ULK4: variants seen among roughly 807,000 people sequenced by gnomAD.
The protein encoded by ULK4 is unc-51 like kinase 4, also known as inactive serine/threonine-protein kinase ULK4.
Under a neutral mutation model 160.6 loss-of-function variants are expected in ULK4, and 133 were observed. The observed-to-expected ratio is 0.83, with a 90% CI of 0.72 to 0.96. The LOEUF (loss-of-function observed/expected upper bound fraction) is 0.96, where lower values mean the gene tolerates loss of function less well. Among genes scored for constraint, ULK4 ranks in the 40% least tolerant of loss-of-function variants. The pLI, the probability that ULK4 is intolerant of heterozygous loss-of-function variation, is 0.00. For synonymous variants in ULK4, 534 were observed against 539.8 expected (o/e 0.99, Z 0.15); for missense variants, 1,580 against 1,499.5 (o/e 1.05, Z -0.89).
intron 35 of ULK4, among the ~76,000 whole-genome samples, chr3:41,265,558 G>A (rs1193056913): frequency 1.3e-5 from 2 of 152,204 alleles, no homozygotes; most frequent in Non-Finnish European, 2.9e-5. Flanking sequence ...AAGCCGTCAG[G>A]CACCAATTAA....
At chr3:41,870,965 T>C (rs970935867) in intron 17 of ULK4, among the ~76,000 whole-genome samples, 2 of 152,056 alleles carry the variant, frequency 1.3e-5, no homozygotes, top group African/African-American at 4.8e-5. Context: ...TAACAGTGAG[T>C]TCTCACAAGA....
At chr3:41,807,191 CCTTA>C (rs1182229053) in intron 19 of ULK4, among the ~76,000 whole-genome samples, 5 of 151,382 alleles carry the variant, frequency 3.3e-5, no homozygotes, top group African/African-American at 1.2e-4. Flanking sequence ...ATATATGATA[CCTTA>C]ATTAAAATAA....
At chr3:41,589,280 G>A (rs1208132723) in intron 31 of ULK4, among the ~76,000 whole-genome samples, 1 of 151,988 alleles carries the variant, frequency 6.6e-6, no homozygotes, top group African/African-American at 2.4e-5. Context: ...GATTAGTTAA[G>A]GAGAAGGCAA....
intron 32 of ULK4, among the ~76,000 whole-genome samples, chr3:41,562,530 T>G (rs1338275239): frequency 6.6e-6 from 1 of 151,948 alleles, no homozygotes; most frequent in Non-Finnish European, 1.5e-5. Context: ...ACTTGCTTTA[T>G]GAATCTGAGT....
intron 22 of ULK4, among the ~76,000 whole-genome samples, chr3:41,733,079 G>A (rs1345861520): frequency 1.3e-5 from 2 of 152,010 alleles, no homozygotes; most frequent in African/African-American, 2.4e-5. Context: ...ATATATTTCA[G>A]CATCTCAAAA....
At position 41,896,910 on chromosome 3, in the gene ULK4, G is replaced by A. The variant is rs1324661741; in HGVS notation, c.1442C>T (p.Ala481Val). The A allele has an allele frequency of 6.2e-7, 1 of 1,613,374 alleles. No individual in the cohort carries two copies. The highest frequency in any genetic ancestry group is 8.5e-7 in the Non-Finnish European group (1 of 1,179,844). The stretch of plus-strand genomic sequence containing the variant: ...AAGGAGATTCAGCTTGGCTCGGGAG[G>A]CCCCCATGCTCTTCTCAGTGGAGTC... ...QIDSTEKSMG[A>V]SRAKLNLLCY... The change falls in exon 15 of 37, where the codon GCC becomes GTC. Residue 481 changes from alanine (A) to valine (V), a missense_variant. Physicochemically the swap from Ala to Val is moderately conservative, Grantham distance 64. Transcript: ENST00000301831.
At chr3:41,647,757 G>A (rs1275913002) in intron 30 of ULK4, among the ~76,000 whole-genome samples, 3 of 152,220 alleles carry the variant, frequency 2.0e-5, no homozygotes, top group Non-Finnish European at 2.9e-5. Context: ...GTCTGCAGAC[G>A]TTACTGCTGT....
intron 22 of ULK4, among the ~76,000 whole-genome samples, chr3:41,722,299 T>G (rs1385621651): frequency 7.9e-5 from 12 of 152,140 alleles, no homozygotes; most frequent in Non-Finnish European, 1.5e-4. Flanking sequence ...CCTGCCCCAC[T>G]TCCCCTGCAT....
intron 2 of ULK4, among the ~76,000 whole-genome samples, chr3:41,945,875 C>T (rs1474192198): frequency 6.6e-6 from 1 of 152,154 alleles, no homozygotes; most frequent in Non-Finnish European, 1.5e-5. Flanking sequence ...TCATTGACTT[C>T]TCTTTCACAC....
At chr3:41,266,324 T>C (rs1176289436) in intron 35 of ULK4, among the ~76,000 whole-genome samples, 1 of 152,184 alleles carries the variant, frequency 6.6e-6, no homozygotes, top group African/African-American at 2.4e-5. Context: ...AGCAGAGCTA[T>C]GGTCCAACTG....
Position 41,398,177 on chromosome 3 carries a change from T to C in ULK4, c.3580A>G (p.Ser1194Gly). 2 of 1,613,576 alleles carry C rather than the reference T, an allele frequency of 1.2e-6. No individual in the cohort carries two copies. Among genetic ancestry groups the C allele is most frequent in the Non-Finnish European group, 1.7e-6 (2 of 1,179,698 alleles). The change falls in exon 35 of 37, where the codon AGC (serine) becomes GGC (glycine). Residue 1194 changes from serine to glycine, a missense_variant. Physicochemically the swap from Ser to Gly is moderately conservative, Grantham distance 56. Transcript: ENST00000301831. ...VQLYGGENPD[S>G]LSPENVEIFA... ...ATTTCCACATTTTCAGGAGAGAGGC[T>C]GTCCGGGTTTTCCCCTCCATACAGC... is the stretch of plus-strand genomic sequence containing the variant.
At chr3:41,610,470 G>C (rs1159856643) in intron 31 of ULK4, among the ~76,000 whole-genome samples, 2 of 152,162 alleles carry the variant, frequency 1.3e-5, no homozygotes, top group African/African-American at 4.8e-5. Context: ...TATTTGTTGA[G>C]TTACAAGTAG....
intron 17 of ULK4, among the ~76,000 whole-genome samples, chr3:41,836,451 G>C (rs1213714163): frequency 6.6e-6 from 1 of 152,234 alleles, no homozygotes; most frequent in East Asian, 1.9e-4. Flanking sequence ...GATTACAGGA[G>C]TGAGTCAGTG....
chr3:41,709,813 CAG>C (rs958177786), intron 25 of ULK4, among the ~76,000 whole-genome samples: 5 of 152,216 alleles, frequency 3.3e-5, no homozygotes, highest in East Asian at 1.9e-4. Flanking sequence ...ATAAGAAACT[CAG>C]AGAGAGAGAT....
At chr3:41,665,857 A>T (rs2035334279) in intron 29 of ULK4, among the ~76,000 whole-genome samples, 1 of 152,230 alleles carries the variant, frequency 6.6e-6, no homozygotes, top group Non-Finnish European at 1.5e-5. Context: ...TTGAGTAAAG[A>T]GTATGTAAGA....
At chr3:41,824,324 C>T (rs1425488646) in intron 18 of ULK4, among the ~76,000 whole-genome samples, 1 of 151,978 alleles carries the variant, frequency 6.6e-6, no homozygotes, top group African/African-American at 2.4e-5. Context: ...GGGTGCAGGA[C>T]AGTGGGTGCA....
At chr3:41,411,938 A>G (rs1306654385) in intron 34 of ULK4, among the ~76,000 whole-genome samples, 2 of 152,118 alleles carry the variant, frequency 1.3e-5, no homozygotes, top group Non-Finnish European at 2.9e-5. Context: ...ATTTCTGGCC[A>G]ATGCAATCAG....
chr3:41,645,340 A>C (rs1201747932), intron 30 of ULK4, among the ~76,000 whole-genome samples: 1 of 151,306 alleles, frequency 6.6e-6, no homozygotes, highest in East Asian at 1.9e-4. Context: ...ATTACTATAA[A>C]TTTCCCTCTA....
chr3:41,415,902 G>A (rs1192953700), intron 34 of ULK4, among the ~76,000 whole-genome samples: 1 of 152,158 alleles, frequency 6.6e-6, no homozygotes, highest in African/African-American at 2.4e-5. Context: ...AATGGCAAGT[G>A]ATCCGGAGCA....
Sources: gnomAD v4.1 joint callset for allele counts (sites outside exome capture counted in the v4.1 genomes callset) on GRCh38, gnomAD v4.1.1 for gene constraint, MANE v1.5 for transcripts, NCBI Gene and HGNC (gene_info 2026-07-23, HGNC 2026-07-21) for gene names.